Variants in ZC3H12B observed in about 807,000 individuals in gnomAD.
ZC3H12B encodes probable ribonuclease ZC3H12B.
A neutral mutation model predicts 43.9 loss-of-function variants in ZC3H12B; 7 were observed. The ratio of observed to expected loss-of-function variants is 0.16; its 90% CI spans 0.09 to 0.30. ZC3H12B has a LOEUF of 0.30. ZC3H12B is among the 10% of genes least tolerant of loss of function. ZC3H12B has a pLI of 1.00. For missense variants in ZC3H12B, 475 were observed against 670.2 expected (o/e 0.71, Z 3.22); for synonymous variants, 222 against 241.7 (o/e 0.92, Z 0.76).
chrX:65,379,683 A>T (rs2066407172), intron 2 of ZC3H12B, among the ~76,000 whole-genome samples: 1 of 112,133 alleles, frequency 8.9e-6, no homozygotes, highest in African/African-American at 3.2e-5. Flanking sequence ...CATTCAAACC[A>T]AACGCAAAGA....
At chrX:65,111,391 G>A in the ZC3H12B span, among the ~76,000 whole-genome samples, 1 of 110,950 alleles carries the variant, frequency 9.0e-6, no homozygotes, top group Admixed American at 9.6e-5. Flanking sequence ...AGTTGAGGAA[G>A]TTCCCATGTA....
the ZC3H12B span, among the ~76,000 whole-genome samples, chrX:65,238,695 A>G: frequency 9.0e-6 from 1 of 111,522 alleles, no homozygotes; most frequent in Non-Finnish European, 1.9e-5. Context: ...TTAATTTGAG[A>G]TTCTATAGCT....
intron 3 of ZC3H12B, among the ~76,000 whole-genome samples, chrX:65,435,182 A>G (rs893060310): frequency 2.7e-5 from 3 of 111,937 alleles, no homozygotes; most frequent in East Asian, 5.6e-4. Flanking sequence ...ATAATAGGAG[A>G]TAAGATTATC....
the ZC3H12B span, among the ~76,000 whole-genome samples, chrX:65,286,711 T>A: frequency 0.084 from 9,221 of 109,980 alleles, 1,037 homozygotes; most frequent in African/African-American, 0.29. Context: ...TATTTTATAC[T>A]TATATACATA....
the ZC3H12B span, among the ~76,000 whole-genome samples, chrX:65,132,126 G>C: frequency 7.2e-5 from 8 of 110,983 alleles, no homozygotes; most frequent in African/African-American, 2.6e-4. Flanking sequence ...AGTGAAAAAA[G>C]CATCTTTAAG....
the ZC3H12B span, among the ~76,000 whole-genome samples, chrX:65,157,284 A>G: frequency 8.9e-6 from 1 of 112,132 alleles, no homozygotes; most frequent in Non-Finnish European, 1.9e-5. Flanking sequence ...CATTCTTTTT[A>G]TTATCCTTGC....
chrX:65,425,175 C>G (rs1020587512), intron 3 of ZC3H12B, among the ~76,000 whole-genome samples: 4 of 111,494 alleles, frequency 3.6e-5, no homozygotes, highest in Non-Finnish European at 7.5e-5. Flanking sequence ...TTGAAGAGAT[C>G]CTTCACTTCC....
chrX:65,108,334 G>GCAAACA, the ZC3H12B span, among the ~76,000 whole-genome samples: 12 of 110,557 alleles, frequency 1.1e-4, no homozygotes, highest in Non-Finnish European at 2.1e-4. Flanking sequence ...AGCTTAAAAC[G>GCAAACA]CAAACACATT....
chrX:65,239,503 G>A, the ZC3H12B span, among the ~76,000 whole-genome samples: 1 of 110,536 alleles, frequency 9.0e-6, no homozygotes, highest in African/African-American at 3.3e-5. Context: ...TTTGAAGACA[G>A]CATACTGATG....
At chrX:65,375,885 A>G (rs1367381722) in intron 2 of ZC3H12B, among the ~76,000 whole-genome samples, 2 of 111,737 alleles carry the variant, frequency 1.8e-5, no homozygotes, top group African/African-American at 3.3e-5. Flanking sequence ...AGCTACAGTG[A>G]GAGACTCCTC....
At chrX:65,206,967 C>A in the ZC3H12B span, among the ~76,000 whole-genome samples, 1 of 106,978 alleles carries the variant, frequency 9.3e-6, no homozygotes, top group African/African-American at 3.5e-5. Flanking sequence ...TACCACCTTA[C>A]TCCCGCAAGA....
At chrX:65,404,378 T>C (rs980562943) in intron 3 of ZC3H12B, among the ~76,000 whole-genome samples, 1 of 112,044 alleles carries the variant, frequency 8.9e-6, no homozygotes, top group Non-Finnish European at 1.9e-5. Context: ...TAATGTTGAC[T>C]GTAAATGAAC....
At chrX:65,371,904 A>C (rs1191827792) in intron 2 of ZC3H12B, among the ~76,000 whole-genome samples, 2 of 111,402 alleles carry the variant, frequency 1.8e-5, no homozygotes, top group Non-Finnish European at 3.8e-5. Flanking sequence ...CTGCCAAAGA[A>C]GTGTACCTCA....
At chrX:65,496,667 A>T (rs1038936232) in intron 1 of ZC3H12B, among the ~76,000 whole-genome samples, 2 of 112,066 alleles carry the variant, frequency 1.8e-5, no homozygotes, top group East Asian at 5.5e-4. Flanking sequence ...AAGAAAGTAA[A>T]TGTCATGGCT....
the ZC3H12B span, among the ~76,000 whole-genome samples, chrX:65,230,158 G>T: frequency 1.9e-4 from 21 of 111,411 alleles, no homozygotes; most frequent in Non-Finnish European, 3.4e-4. Context: ...ATGATAGACT[G>T]GATTAAGAAA....
chrX:65,477,176 G>A (rs771329285), intron 3 of ZC3H12B, among the ~76,000 whole-genome samples: 29 of 109,000 alleles, frequency 2.7e-4, no homozygotes, highest in Non-Finnish European at 4.8e-4. Context: ...ATGATTAGGG[G>A]TAATGGCACT....
the ZC3H12B span, among the ~76,000 whole-genome samples, chrX:65,334,751 C>A: frequency 9.0e-6 from 1 of 111,464 alleles, no homozygotes. Context: ...TAAGCAGGCA[C>A]AACTGGAAGG....
the ZC3H12B span, among the ~76,000 whole-genome samples, chrX:65,343,251 A>G: frequency 2.7e-5 from 3 of 111,749 alleles, no homozygotes; most frequent in South Asian, 7.4e-4. Context: ...AGATGTATAA[A>G]GAAGAGCTGG....
chrX:65,242,564 T>A, the ZC3H12B span, among the ~76,000 whole-genome samples: 1 of 112,198 alleles, frequency 8.9e-6, no homozygotes, highest in Non-Finnish European at 1.9e-5. Flanking sequence ...CCATCCAAAG[T>A]GATCTACAAA....
Sources: allele counts gnomAD v4.1 joint callset (sites outside exome capture counted in the v4.1 genomes callset), GRCh38; gene constraint gnomAD v4.1.1; transcripts MANE v1.5; gene names NCBI Gene and HGNC (gene_info 2026-07-23, HGNC 2026-07-21).